PTPRM: variants seen among roughly 807,000 people sequenced by gnomAD.
PTPRM encodes the protein receptor-type tyrosine-protein phosphatase mu.
In PTPRM, 47 loss-of-function variants were observed where a neutral mutation model predicts 186.7. That is an observed-to-expected ratio of 0.25 (90% confidence interval 0.20 to 0.32). The LOEUF is 0.32. PTPRM is among the 10% of genes least tolerant of loss of function. The pLI is 1.00. For missense variants in PTPRM, 1,494 were observed against 1,865.0 expected (o/e 0.80, Z 3.66); for synonymous variants, 668 against 674.9 (o/e 0.99, Z 0.16).
intron 2 of PTPRM, among the ~76,000 whole-genome samples, chr18:7,852,655 A>G (rs2046919745): frequency 1.3e-5 from 2 of 152,048 alleles, no homozygotes; most frequent in African/African-American, 4.8e-5. Context: ...ACTGCACTCC[A>G]GCCTGGGCGA....
intron 1 of PTPRM, among the ~76,000 whole-genome samples, chr18:7,569,117 A>G (rs2036509528): frequency 6.6e-6 from 1 of 152,218 alleles, no homozygotes; most frequent in Non-Finnish European, 1.5e-5. Context: ...GGACTTTCAT[A>G]AACAGTAAAG....
intron 3 of PTPRM, among the ~76,000 whole-genome samples, chr18:7,896,086 C>T (rs1414916944): frequency 6.6e-6 from 1 of 152,086 alleles, no homozygotes; most frequent in Non-Finnish European, 1.5e-5. Flanking sequence ...ATATTTAATT[C>T]CTTAATTAAT....
chr18:7,627,485 T>C (rs547656346), intron 1 of PTPRM, among the ~76,000 whole-genome samples: 9 of 152,128 alleles, frequency 5.9e-5, no homozygotes, highest in Admixed American at 2.6e-4. Flanking sequence ...ATCTTTGGGG[T>C]AAAGGTCTTT....
chr18:7,946,129 G>A (rs1213387259), intron 5 of PTPRM, among the ~76,000 whole-genome samples: 1 of 152,202 alleles, frequency 6.6e-6, no homozygotes, highest in African/African-American at 2.4e-5. Flanking sequence ...GTGCTACTGT[G>A]AGTCATACTC....
intron 3 of PTPRM, among the ~76,000 whole-genome samples, chr18:7,894,543 G>A (rs372287708): frequency 3.3e-5 from 5 of 151,914 alleles, no homozygotes; most frequent in South Asian, 2.1e-4. Context: ...CCGAGATTGC[G>A]CCACTGCACT....
rs552751736 is a variant in PTPRM at position 8,232,934 on chromosome 18, A to C, written c.2301-11124A>C. Among the ~76,000 whole-genome samples, 3 of 152,216 alleles carry C rather than the reference A, an allele frequency of 2.0e-5. No individual in the cohort carries two copies. In the South Asian group the frequency reaches 6.2e-4, roughly 32 times the overall value. On this transcript the variant is annotated intron_variant, in intron 14 of 32. Transcript: ENST00000580170. Reference sequence around the variant, plus strand: ...GGAGGGGGGTGGTGGTTGTCAGGTAATTGTCAGTCGGCCATTTGGTTCACA... The same window carrying C: ...GGAGGGGGGTGGTGGTTGTCAGGTACTTGTCAGTCGGCCATTTGGTTCACA...
At chr18:8,138,113 C>T (rs1027706782) in intron 13 of PTPRM, among the ~76,000 whole-genome samples, 1 of 152,078 alleles carries the variant, frequency 6.6e-6, no homozygotes, top group Non-Finnish European at 1.5e-5. Context: ...TTAGAGGGAA[C>T]GTCAAGTGTC....
chr18:7,889,340 T>TTTC (rs1567972828), intron 3 of PTPRM, among the ~76,000 whole-genome samples: 1 of 145,302 alleles, frequency 6.9e-6, no homozygotes, highest in African/African-American at 2.5e-5. Context: ...TTTCTTTTTT[T>TTTC]TTTTTTTTTT....
intron 1 of PTPRM, among the ~76,000 whole-genome samples, chr18:7,652,893 T>TA (rs1188401877): frequency 1.3e-5 from 2 of 151,880 alleles, no homozygotes; most frequent in Non-Finnish European, 2.9e-5. Flanking sequence ...CCCTAAAACT[T>TA]AAAGTATACT....
In PTPRM at chr18:7,824,594, C is replaced by T. The variant is rs555587157; in HGVS notation, c.196+50323C>T. Among the ~76,000 whole-genome samples, 155 of 152,228 alleles carry T rather than the reference C, an allele frequency of 1.0e-3. 1 individual carries two copies. Among genetic ancestry groups the T allele is most frequent in the African/African-American group, 3.7e-3 (155 of 41,548 alleles). On this transcript the variant is annotated intron_variant, in intron 2 of 32. Coordinates refer to ENST00000580170, the MANE Select transcript of PTPRM (RefSeq NM_001105244.2). ...ATTTACTTATTTTTCCTATTAGTAA[C>T]TACTAGACTATTTCTATCAGCAAGG...
chr18:8,007,771 A>G (rs1376398351), intron 7 of PTPRM, among the ~76,000 whole-genome samples: 4 of 152,230 alleles, frequency 2.6e-5, no homozygotes, highest in Non-Finnish European at 5.9e-5. Flanking sequence ...GCTCTTGGCC[A>G]CTGAGGGTCT....
intron 2 of PTPRM, among the ~76,000 whole-genome samples, chr18:7,804,533 T>C (rs2145399134): frequency 6.6e-6 from 1 of 152,314 alleles, no homozygotes; most frequent in Non-Finnish European, 1.5e-5. Flanking sequence ...CATATGTTAT[T>C]AGTATGGATC....
intron 14 of PTPRM, among the ~76,000 whole-genome samples, chr18:8,164,408 G>A (rs2093284879): frequency 6.6e-6 from 1 of 152,216 alleles, no homozygotes; most frequent in Non-Finnish European, 1.5e-5. Flanking sequence ...CTCTGTTCAT[G>A]CAGTATTATT....
intron 14 of PTPRM, among the ~76,000 whole-genome samples, chr18:8,240,801 A>G (rs868384830): frequency 0.031 from 1,156 of 36,922 alleles, 38 homozygotes; most frequent in African/African-American, 0.12. Context: ...AGAGAGAGAG[A>G]GAGAGAGAGA....
chr18:8,206,801 G>A (rs1279505126), intron 14 of PTPRM, among the ~76,000 whole-genome samples: 4 of 152,116 alleles, frequency 2.6e-5, no homozygotes. Flanking sequence ...AGTGAAAAGG[G>A]CATCCTTGTG....
At chr18:8,125,513 C>T (rs2092310652) in intron 13 of PTPRM, among the ~76,000 whole-genome samples, 1 of 152,078 alleles carries the variant, frequency 6.6e-6, no homozygotes, top group Non-Finnish European at 1.5e-5. Context: ...TTTTTGTATT[C>T]TGTTCTACAT....
At chr18:7,646,842 G>A (rs1250883110) in intron 1 of PTPRM, among the ~76,000 whole-genome samples, 9 of 152,100 alleles carry the variant, frequency 5.9e-5, no homozygotes. Flanking sequence ...CTTCTTGAGT[G>A]AGTGGCTTGT....
rs2052770628 is a variant in PTPRM, at chr18:7,949,237, C to T, written c.720C>T (p.Arg240=). 2 of 1,611,850 alleles carry T rather than the reference C, an allele frequency of 1.2e-6. No individual in the cohort carries two copies. Among genetic ancestry groups the T allele is most frequent in the Non-Finnish European group, 8.5e-7 (1 of 1,177,982 alleles). The change falls in exon 6 of 33, where the codon CGC becomes CGT. Residue 240 remains arginine, a synonymous_variant. Coordinates refer to ENST00000580170, the MANE Select transcript of PTPRM (RefSeq NM_001105244.2). ...AAATCAAGGTGACCAGCTCCCGACG[C>T]TTCATTGCTTCATTTAATGTTGTGA... ...LKEIKVTSSR[R]FIASFNVVNT...
intron 7 of PTPRM, among the ~76,000 whole-genome samples, chr18:7,984,867 A>G (rs868599666): frequency 1.5e-3 from 202 of 132,432 alleles, no homozygotes; most frequent in South Asian, 7.1e-3. Flanking sequence ...ACATATATAA[A>G]TATATACATA....
Sources: allele counts gnomAD v4.1 joint callset (sites outside exome capture counted in the v4.1 genomes callset), GRCh38; gene constraint gnomAD v4.1.1; transcripts MANE v1.5; gene names NCBI Gene and HGNC (gene_info 2026-07-23, HGNC 2026-07-21).